Variants in LRRC8C observed in about 807,000 individuals in gnomAD.
LRRC8C encodes the protein volume-regulated anion channel subunit LRRC8C.
LRRC8C carries 20 observed loss-of-function variants against 55.3 expected under a neutral mutation model. The observed-to-expected ratio is 0.36, with a 90% CI of 0.25 to 0.53. LRRC8C has a LOEUF of 0.53. Among genes scored for constraint, LRRC8C ranks in the 20% least tolerant of loss-of-function variants. The pLI, the probability that LRRC8C is intolerant of heterozygous loss-of-function variation, is 0.92. For missense variants in LRRC8C, 659 were observed against 951.4 expected (o/e 0.69, Z 4.04); for synonymous variants, 376 against 360.7 (o/e 1.04, Z -0.48).
the LRRC8C span, among the ~76,000 whole-genome samples, chr1:89,619,856 A>T: frequency 7.9e-5 from 12 of 152,312 alleles, no homozygotes; most frequent in African/African-American, 2.4e-4. Flanking sequence ...CCAGACTATA[A>T]AGTAGACACT....
chr1:89,661,607 T>C (rs1042952938), intron 1 of LRRC8C, among the ~76,000 whole-genome samples: 3 of 152,174 alleles, frequency 2.0e-5, no homozygotes, highest in African/African-American at 7.2e-5. Context: ...ATGACAAATA[T>C]GGGCCAGACA....
At chr1:89,706,473 T>G (rs1214461548) in intron 2 of LRRC8C, 2 of 379,920 alleles carry the variant, frequency 5.3e-6, no homozygotes, top group African/African-American at 4.3e-5. Context: ...TGTGTCTTAA[T>G]GATTCTAACA....
chr1:89,672,963 T>C (rs1455079183), intron 1 of LRRC8C, among the ~76,000 whole-genome samples: 3 of 152,176 alleles, frequency 2.0e-5, no homozygotes, highest in Admixed American at 6.5e-5. Context: ...AGTTGTTTCA[T>C]AAACCCTGTC....
chr1:89,674,136 GTTTT>G (rs1557656939), intron 1 of LRRC8C, among the ~76,000 whole-genome samples: 1 of 152,112 alleles, frequency 6.6e-6, no homozygotes, highest in African/African-American at 2.4e-5. Context: ...GGGAGGATAG[GTTTT>G]TTATCTTTTT....
rs1380803728 is a variant in LRRC8C at position 89,673,051 on chromosome 1, C to G, written c.-4-13419C>G. On this transcript the variant is annotated intron_variant, in intron 1 of 2. Transcript: ENST00000370454. ...ATTCCTAAGTCCTTCTTCAGAACTTCCAAAGATCTCTCTTCTTTGAAGTGT... is the reference window on the plus strand; with the variant it reads ...ATTCCTAAGTCCTTCTTCAGAACTTGCAAAGATCTCTCTTCTTTGAAGTGT... Among the ~76,000 whole-genome samples, 3 of 152,158 alleles carry G rather than the reference C, an allele frequency of 2.0e-5. No individual in the cohort carries two copies. In the East Asian group the frequency reaches 5.8e-4, roughly 29 times the overall value.
rs573454213 is a variant in LRRC8C at position 89,716,566 on chromosome 1, A to T, written c.*1584A>T. 21 of 152,326 alleles carry T rather than the reference A, an allele frequency of 1.4e-4. No homozygotes were observed. The highest frequency in any genetic ancestry group is 4.8e-4 in the African/African-American group (20 of 41,578). The allele number at this position is 152,326 out of a possible 1,614,324, so 9.4% of individuals were successfully genotyped here. On this transcript the variant is annotated 3_prime_UTR_variant, in exon 3 of 3. Transcript: ENST00000370454. The stretch of plus-strand genomic sequence containing the variant: ...CATGGGCTCTTGGGCAAAATATTTC[A>T]CTGACTATTAAGCATGTAGAACAGG...
At chr1:89,656,722 G>T (rs980099514) in intron 1 of LRRC8C, among the ~76,000 whole-genome samples, 1 of 152,094 alleles carries the variant, frequency 6.6e-6, no homozygotes, top group African/African-American at 2.4e-5. Flanking sequence ...ACAATTTGGG[G>T]GTACTGTTCG....
chr1:89,676,018 T>C lies in LRRC8C; in HGVS notation c.-4-10452T>C, dbSNP rs568506201. Among the ~76,000 whole-genome samples the C allele has an allele frequency of 2.6e-5, 4 of 152,346 alleles. No individual in the cohort carries two copies. The South Asian group carries it at 6.2e-4, about 24-fold the overall frequency. ...TTAGCCTCATTTCAGTAAGGATTTCTGAATTTAAATGTACTTGAATTGTGC... is the reference window on the plus strand; with the variant it reads ...TTAGCCTCATTTCAGTAAGGATTTCCGAATTTAAATGTACTTGAATTGTGC... On this transcript the variant is annotated intron_variant, in intron 1 of 2. Coordinates refer to ENST00000370454, the MANE Select transcript of LRRC8C (RefSeq NM_032270.5).
rs1016907941 is a variant in LRRC8C, at chr1:89,677,926, C to G, written c.-4-8544C>G. Among the ~76,000 whole-genome samples the G allele has an allele frequency of 2.6e-5, 4 of 152,238 alleles. No homozygotes were observed. In the South Asian group the frequency reaches 8.3e-4, roughly 32 times the overall value. ...AATTGGGAAATTTTGCCTTTTTGCT[C>G]CTGCTTTTTATTTCCATCTTTTCAC... On this transcript the variant is annotated intron_variant, in intron 1 of 2. Transcript: ENST00000370454.
chr1:89,660,321 TTTGGGGAGAATAGG>T (rs1657080431), intron 1 of LRRC8C, among the ~76,000 whole-genome samples: 1 of 152,138 alleles, frequency 6.6e-6, no homozygotes, highest in Admixed American at 6.5e-5. Flanking sequence ...AAACAGATGT[TTTGGGGAGAATAGG>T]TCTCAACCTC....
chr1:89,707,649 TGA>T (rs972768246), intron 2 of LRRC8C, among the ~76,000 whole-genome samples: 11 of 122,892 alleles, frequency 9.0e-5, no homozygotes, highest in African/African-American at 3.3e-4. Flanking sequence ...TGTGTGTGTG[TGA>T]GTGTGTGTGT....
At chr1:89,651,535 T>G (rs2101196068) in intron 1 of LRRC8C, among the ~76,000 whole-genome samples, 1 of 120,356 alleles carries the variant, frequency 8.3e-6, no homozygotes, top group African/African-American at 3.4e-5. Context: ...GCCACTGCAC[T>G]CCAGTCTCGG....
In LRRC8C at chr1:89,655,483, G is replaced by T. The variant is rs190118914; in HGVS notation, c.-5+22161G>T. 3.9e-3 allele frequency among the ~76,000 whole-genome samples: 591 copies of T among 152,258 alleles called. 8 individuals are homozygous for T. In the South Asian group the frequency reaches 0.041, roughly 11 times the overall value. The stretch of plus-strand genomic sequence containing the variant: ...ATGATCTATATCTGTGTCTTCAAAT[G>T]TCTTAGTTTGTTTTGTGCTGCTATA... On this transcript the variant is annotated intron_variant, in intron 1 of 2. Transcript: ENST00000370454.
In LRRC8C at chr1:89,686,625, T is replaced by G; in HGVS notation, c.138+14T>G. ...TGTACTTTACAGGTAGGTGCCTAGA[T>G]CCCTGGCAAAATGGGGGCCAGAGCA... is the stretch of plus-strand genomic sequence containing the variant. On this transcript the variant is annotated intron_variant, in intron 2 of 2. Transcript: ENST00000370454. The G allele has an allele frequency of 6.2e-7, 1 of 1,613,536 alleles. No homozygotes were observed. The highest frequency in any genetic ancestry group is 8.5e-7 in the Non-Finnish European group (1 of 1,179,856).
At chr1:89,677,350 G>A (rs1053945314) in intron 1 of LRRC8C, among the ~76,000 whole-genome samples, 2 of 152,190 alleles carry the variant, frequency 1.3e-5, no homozygotes, top group African/African-American at 4.8e-5. Context: ...ATTCCTTTGA[G>A]TCAAAAGTTC....
In LRRC8C at chr1:89,673,971, G is replaced by A. The variant is rs12091316; in HGVS notation, c.-4-12499G>A. 2.1e-3 allele frequency among the ~76,000 whole-genome samples: 321 copies of A among 152,242 alleles called. 2 individuals carry two copies. In the Middle Eastern group the frequency reaches 0.024, roughly 11 times the overall value. ...GGAGTTAACAAAGCAAGGTGGGTGG[G>A]TATTGAAAGAACGTTCCAGTTGTAG... On this transcript the variant is annotated intron_variant, in intron 1 of 2. Coordinates refer to ENST00000370454, the MANE Select transcript of LRRC8C (RefSeq NM_032270.5).
At chr1:89,697,368 A>G (rs1030504276) in intron 2 of LRRC8C, among the ~76,000 whole-genome samples, 5 of 152,094 alleles carry the variant, frequency 3.3e-5, no homozygotes, top group African/African-American at 1.2e-4. Context: ...TGGATGATTT[A>G]TGTTTCTCTT....
intron 1 of LRRC8C, among the ~76,000 whole-genome samples, chr1:89,663,692 G>A (rs113057187): frequency 3.0e-4 from 45 of 152,262 alleles, no homozygotes; most frequent in Admixed American, 1.6e-3. Flanking sequence ...AGATCCTTGA[G>A]GAATTGTCAC....
chr1:89,662,888 A>G (rs1657156756), intron 1 of LRRC8C, among the ~76,000 whole-genome samples: 1 of 152,116 alleles, frequency 6.6e-6, no homozygotes, highest in Non-Finnish European at 1.5e-5. Context: ...TTTGTTACAT[A>G]GGTATACACG....
Sources: gnomAD v4.1 joint callset for allele counts (sites outside exome capture counted in the v4.1 genomes callset) on GRCh38, gnomAD v4.1.1 for gene constraint, MANE v1.5 for transcripts, NCBI Gene and HGNC (gene_info 2026-07-23, HGNC 2026-07-21) for gene names.